HDLBP: variants seen among roughly 807,000 people sequenced by gnomAD.
The protein encoded by HDLBP is vigilin.
In HDLBP, 30 loss-of-function variants were observed where a neutral mutation model predicts 137.3. That is an observed-to-expected ratio of 0.22 (90% CI 0.16 to 0.30). HDLBP has a LOEUF of 0.30. Ranked by LOEUF, HDLBP falls within the 10% of genes least tolerant of loss-of-function variation. The pLI, the probability that HDLBP is intolerant of heterozygous loss-of-function variation, is 1.00. For synonymous variants in HDLBP, 606 were observed against 596.0 expected (o/e 1.02, Z -0.24); for missense variants, 1,119 against 1,667.3 (o/e 0.67, Z 5.73).
chr2:241,267,040 C>T (rs2073725575), intron 2 of HDLBP, 134 bp from the exon 3 acceptor site: 2 of 668,460 alleles, frequency 3.0e-6, no homozygotes, highest in African/African-American at 1.8e-5. Flanking sequence ...TTCCTCACAA[C>T]CTCTGATGTA....
chr2:241,269,840 C>A (rs1178490829), intron 1 of HDLBP, among the ~76,000 whole-genome samples: 1 of 152,178 alleles, frequency 6.6e-6, no homozygotes, highest in Non-Finnish European at 1.5e-5. Context: ...GGTGCCCCAA[C>A]AGGTGTCCAG....
intron 13 of HDLBP, 54 bp from the exon 14 acceptor site, chr2:241,248,170 C>G: frequency 6.5e-7 from 1 of 1,547,320 alleles, no homozygotes; most frequent in Non-Finnish European, 8.9e-7. Flanking sequence ...ACATATATCC[C>G]AAATATCAAA....
intron 1 of HDLBP, among the ~76,000 whole-genome samples, chr2:241,280,366 T>TAA (rs2074548195): frequency 1.3e-5 from 2 of 152,216 alleles, no homozygotes; most frequent in African/African-American, 2.4e-5. Flanking sequence ...GTATATATTA[T>TAA]TACATTAAAC....
At position 241,236,904 on chromosome 2, in the gene HDLBP, AG is replaced by A. The variant is rs2070550922; in HGVS notation, c.2750-136del. Reference sequence around the variant, plus strand: ...GGAGGGAAAACCACTCCTGTCCTTCAGGAGGTCTTGGTCTGGTCAGGGAGAG... The same window carrying A: ...GGAGGGAAAACCACTCCTGTCCTTCAGAGGTCTTGGTCTGGTCAGGGAGAG... On this transcript the variant is annotated intron_variant, in intron 20 of 27. Transcript: ENST00000310931. 4.1e-6 allele frequency: 3 copies of A among 727,256 alleles called. No individual in the cohort carries two copies. In the East Asian group the frequency reaches 1.0e-4, roughly 25 times the overall value. The allele number at this position is 727,256 out of a possible 1,614,324, so 45.1% of individuals were successfully genotyped here.
chr2:241,232,235 A>C (rs1574834825), intron 24 of HDLBP, among the ~76,000 whole-genome samples: 1 of 151,896 alleles, frequency 6.6e-6, no homozygotes. Context: ...CACTTGGCTC[A>C]TGGTGTATTA....
chr2:241,253,582 C>G, intron 9 of HDLBP, 85 bp from the exon 10 acceptor site: 4 of 903,322 alleles, frequency 4.4e-6, no homozygotes, highest in Non-Finnish European at 7.3e-6. Flanking sequence ...CTCTTCGGAG[C>G]GGCTTCTGAT....
chr2:241,228,481 T>G lies in HDLBP; in HGVS notation c.*1120A>C, dbSNP rs950303628. The G allele has an allele frequency of 6.6e-6, 1 of 152,346 alleles. No homozygotes were observed. Among genetic ancestry groups the G allele is most frequent in the Non-Finnish European group, 1.5e-5 (1 of 68,138 alleles). 9.4% of individuals were successfully genotyped at this position (152,346 alleles called of 1,614,324 possible). Reference sequence around the variant, plus strand: ...CTGGCCTGCACAGCCGGATGGCCTGTGGGCGGGGTGGAAGTGCCCACTCCC... The same window carrying G: ...CTGGCCTGCACAGCCGGATGGCCTGGGGGCGGGGTGGAAGTGCCCACTCCC... On this transcript the variant is annotated 3_prime_UTR_variant, in exon 28 of 28. Coordinates refer to ENST00000310931, the MANE Select transcript of HDLBP (RefSeq NM_005336.6).
chr2:241,268,968 G>C (rs1348626233), intron 1 of HDLBP: 3 of 152,222 alleles, frequency 2.0e-5, no homozygotes, highest in Non-Finnish European at 2.9e-5. Context: ...AACAGAATGT[G>C]GACCTCGGGG....
chr2:241,264,674 TTTTAGTGC>T (rs1394142357), intron 3 of HDLBP, 69 bp from the exon 4 acceptor site: 44 of 1,441,212 alleles, frequency 3.1e-5, no homozygotes, highest in Non-Finnish European at 4.2e-5. Context: ...CTTTTAAGGG[TTTTAGTGC>T]TTAAAAACAG....
intron 15 of HDLBP, 45 bp downstream of exon 15, chr2:241,247,011 G>A: frequency 6.4e-7 from 1 of 1,567,052 alleles, no homozygotes; most frequent in African/African-American, 1.4e-5. Flanking sequence ...CAGGGCTACA[G>A]AGGACAAGGC....
intron 1 of HDLBP, among the ~76,000 whole-genome samples, chr2:241,310,030 G>C (rs528388256): frequency 1.3e-5 from 2 of 152,226 alleles, no homozygotes; most frequent in East Asian, 3.9e-4. Flanking sequence ...TCACTGCATA[G>C]CCCAGAAAAG....
Position 241,230,634 on chromosome 2 carries a change from C to T in HDLBP, c.3474+125G>A. The T allele has an allele frequency of 1.2e-6, 1 of 832,176 alleles. No individual in the cohort carries two copies. Among genetic ancestry groups the T allele is most frequent in the Non-Finnish European group, 1.9e-6 (1 of 523,078 alleles). 51.5% of individuals were successfully genotyped at this position (832,176 alleles called of 1,614,324 possible). ...CGTGGTGTCCATGAGGACAGTTCCA[C>T]TGCCAGCCCTGGGGTTGTGGCCTCA... is the stretch of plus-strand genomic sequence containing the variant. On this transcript the variant is annotated intron_variant, in intron 25 of 27. Transcript: ENST00000310931. The surrounding 1 kb of genome is among the most constrained non-coding windows in gnomAD (Gnocchi z 5.0).
chr2:241,272,215 G>A lies in HDLBP; in HGVS notation c.-102-3674C>T. On this transcript the variant is annotated intron_variant, in intron 1 of 27. Coordinates refer to ENST00000310931, the MANE Select transcript of HDLBP (RefSeq NM_005336.6). This position sits in a 1 kb window ranked among gnomAD's most constrained non-coding sequence, Gnocchi z 5.6. ...CAGGTGGAGGTGCTGCGGGGGCCCC[G>A]CCGCCCGGTCTGCGCCCAGACCCCC... is the stretch of plus-strand genomic sequence containing the variant. 1.0e-6 allele frequency: 1 copy of A among 982,698 alleles called. No homozygotes were observed. The allele number at this position is 982,698 out of a possible 1,614,324, so 60.9% of individuals were successfully genotyped here. A position where few individuals can be genotyped will look rare whatever the true frequency, so the allele number is the denominator to read the frequency against.
chr2:241,294,930 A>G (rs1180751629), intron 1 of HDLBP, among the ~76,000 whole-genome samples: 3 of 152,030 alleles, frequency 2.0e-5, no homozygotes, highest in Non-Finnish European at 4.4e-5. Context: ...GTGAAACCCC[A>G]TCTCTACTAA....
intron 1 of HDLBP, among the ~76,000 whole-genome samples, chr2:241,314,629 C>A (rs1388648978): frequency 6.6e-6 from 1 of 152,204 alleles, no homozygotes; most frequent in Non-Finnish European, 1.5e-5. Context: ...AAGCCCAAGT[C>A]GACTTCCTTC....
chr2:241,313,265 A>G (rs1185141996), intron 1 of HDLBP, among the ~76,000 whole-genome samples: 3 of 152,186 alleles, frequency 2.0e-5, no homozygotes, highest in African/African-American at 7.2e-5. Flanking sequence ...GAGGAAAAGA[A>G]AAGTCTATAT....
At position 241,230,351 on chromosome 2, in the gene HDLBP, A is replaced by AT; in HGVS notation, c.3475-83dup. ...ATTATGTGTCAATTTCTAGTGAAGC[A>AT]TTTTCTGAGTTAGCAAACGTTTTAA... On this transcript the variant is annotated intron_variant, in intron 25 of 27. Transcript: ENST00000310931. The surrounding 1 kb of genome is among the most constrained non-coding windows in gnomAD (Gnocchi z 5.0). 2 of 890,998 alleles carry AT rather than the reference A, an allele frequency of 2.2e-6. No homozygotes were observed. Among genetic ancestry groups the AT allele is most frequent in the South Asian group, 3.3e-5 (2 of 61,524 alleles). The allele number at this position is 890,998 out of a possible 1,614,324, so 55.2% of individuals were successfully genotyped here. A position where few individuals can be genotyped will look rare whatever the true frequency, so the allele number is the denominator to read the frequency against.
intron 14 of HDLBP, 40 bp downstream of exon 14, chr2:241,247,963 C>T (rs745732478): frequency 2.2e-5 from 31 of 1,415,664 alleles, no homozygotes; most frequent in Non-Finnish European, 3.0e-5. Context: ...CCACCCACCC[C>T]AGGTGCTGTC....
At chr2:241,308,013 G>A (rs1334550475) in intron 1 of HDLBP, among the ~76,000 whole-genome samples, 1 of 152,092 alleles carries the variant, frequency 6.6e-6, no homozygotes, top group Non-Finnish European at 1.5e-5. Flanking sequence ...TATTGCCAAG[G>A]TAAAACTGCC....
Sources: gnomAD v4.1 joint callset for allele counts (sites outside exome capture counted in the v4.1 genomes callset) on GRCh38, gnomAD v4.1.1 for gene constraint, Gnocchi (gnomAD v3.1) non-coding constraint, MANE v1.5 for transcripts, NCBI Gene and HGNC (gene_info 2026-07-23, HGNC 2026-07-21) for gene names.